ZNF827: variants seen among roughly 807,000 people sequenced by gnomAD.
The protein encoded by ZNF827 is zinc finger protein 827.
A neutral mutation model predicts 102.4 loss-of-function variants in ZNF827; 13 were observed. The ratio of observed to expected loss-of-function variants is 0.13; its 90% CI spans 0.08 to 0.20. ZNF827 has a LOEUF of 0.20. Among genes scored for constraint, ZNF827 ranks in the 10% least tolerant of loss-of-function variants. The pLI is 1.00. For synonymous variants in ZNF827, 523 were observed against 536.2 expected (o/e 0.98, Z 0.34); for missense variants, 1,103 against 1,344.4 (o/e 0.82, Z 2.81).
chr4:145,829,012 G>C lies in ZNF827; in HGVS notation c.2280-5487C>G, dbSNP rs187936966. ...CCAAGTGCCACCACTGAAACCAAAC[G>C]TTACAGGGATTCTCATTTTGACAGC... On this transcript the variant is annotated intron_variant, in intron 7 of 14. Transcript: ENST00000508784. Among the ~76,000 whole-genome samples the C allele has an allele frequency of 3.9e-5, 6 of 152,196 alleles. No homozygotes were observed. In the East Asian group the frequency reaches 1.2e-3, roughly 29 times the overall value.
At chr4:145,817,438 G>A (rs999847251) in intron 8 of ZNF827, among the ~76,000 whole-genome samples, 4 of 152,198 alleles carry the variant, frequency 2.6e-5, no homozygotes, top group Non-Finnish European at 5.9e-5. Flanking sequence ...GAAGAAAAGA[G>A]GTTAGTTGAC....
intron 6 of ZNF827, among the ~76,000 whole-genome samples, chr4:145,848,902 A>G (rs1746244259): frequency 6.6e-6 from 1 of 152,212 alleles, no homozygotes; most frequent in Non-Finnish European, 1.5e-5. Flanking sequence ...AAGATACAAT[A>G]AAACCTCATT....
chr4:145,878,398 A>T (rs1420640620), intron 4 of ZNF827, among the ~76,000 whole-genome samples: 3 of 152,038 alleles, frequency 2.0e-5, no homozygotes, highest in Non-Finnish European at 2.9e-5. Flanking sequence ...AGAAGTGGAG[A>T]GATAGTTACT....
At chr4:145,852,124 AAAG>A (rs780026526) in intron 5 of ZNF827, among the ~76,000 whole-genome samples, 1 of 152,208 alleles carries the variant, frequency 6.6e-6, no homozygotes, top group Non-Finnish European at 1.5e-5. Flanking sequence ...GACAAACACA[AAAG>A]AATACTAGGA....
intron 7 of ZNF827, among the ~76,000 whole-genome samples, chr4:145,835,535 C>T (rs1433387890): frequency 1.3e-5 from 2 of 149,888 alleles, no homozygotes; most frequent in African/African-American, 5.0e-5. Flanking sequence ...AAATTATCTG[C>T]TTCCCTGACT....
chr4:145,822,386 T>C (rs1743224616), intron 8 of ZNF827, among the ~76,000 whole-genome samples: 1 of 151,126 alleles, frequency 6.6e-6, no homozygotes, highest in Non-Finnish European at 1.5e-5. Context: ...TGACCTGTGA[T>C]ACCCGAGGCC....
At position 145,758,835 on chromosome 4, in the gene ZNF827, C is replaced by G. The variant is rs1279953245; in HGVS notation, c.*2781G>C. The G allele has an allele frequency of 1.3e-5, 2 of 152,142 alleles. No homozygotes were observed. The highest frequency in any genetic ancestry group is 4.8e-5 in the African/African-American group (2 of 41,398). The allele number at this position is 152,142 out of a possible 1,614,324, so 9.4% of individuals were successfully genotyped here. Reference sequence around the variant, plus strand: ...CACCAAGTAGGCTCCCCATCCATGGCGGGATGACTGGCAAAGGGAGGTGTA... The same window carrying G: ...CACCAAGTAGGCTCCCCATCCATGGGGGGATGACTGGCAAAGGGAGGTGTA... On this transcript the variant is annotated 3_prime_UTR_variant, in exon 15 of 15. Transcript: ENST00000508784.
At position 145,902,321 on chromosome 4, in the gene ZNF827, T is replaced by C; in HGVS notation, c.938A>G (p.Asp313Gly). 1.2e-6 allele frequency: 2 copies of C among 1,600,752 alleles called. No homozygotes were observed. The highest frequency in any genetic ancestry group is 1.7e-6 in the Non-Finnish European group (2 of 1,173,418). ...LAEKSSLLPEDPLPPPPSEKK... is the reference protein window; with the variant it reads ...LAEKSSLLPEGPLPPPPSEKK... Reference sequence around the variant, plus strand: ...CTCTGAAGGCGGGGGCGGTAGAGGGTCCTCAGGCAGCAGCGATGATTTCTC... The same window carrying C: ...CTCTGAAGGCGGGGGCGGTAGAGGGCCCTCAGGCAGCAGCGATGATTTCTC... Residue 313 changes from aspartate (D) to glycine (G), a missense_variant, in exon 2 of 15, where the codon GAC (aspartate) becomes GGC (glycine). Physicochemically the swap from Asp to Gly is moderately conservative, Grantham distance 94. Transcript: ENST00000508784. The surrounding 1 kb of genome is among the most constrained non-coding windows in gnomAD (Gnocchi z 4.3).
intron 8 of ZNF827, among the ~76,000 whole-genome samples, chr4:145,782,474 C>A (rs1381340433): frequency 1.3e-5 from 2 of 152,158 alleles, no homozygotes; most frequent in African/African-American, 4.8e-5. Flanking sequence ...GATTCCTCCC[C>A]CGACTCTCTT....
chr4:145,936,047 C>T (rs1420332386), intron 1 of ZNF827, among the ~76,000 whole-genome samples: 1 of 152,046 alleles, frequency 6.6e-6, no homozygotes, highest in Non-Finnish European at 1.5e-5. Flanking sequence ...GCCCTGTTTT[C>T]GCACACAAGC....
intron 11 of ZNF827, among the ~76,000 whole-genome samples, chr4:145,770,486 T>C (rs951485526): frequency 2.0e-5 from 3 of 151,764 alleles, no homozygotes; most frequent in Non-Finnish European, 2.9e-5. Context: ...CCTCATATGG[T>C]GGTTGTGATA....
intron 8 of ZNF827, among the ~76,000 whole-genome samples, chr4:145,806,529 T>C (rs1024470509): frequency 6.6e-6 from 1 of 152,138 alleles, no homozygotes; most frequent in African/African-American, 2.4e-5. Context: ...TCATCAAATA[T>C]TTAATGATAC....
intron 2 of ZNF827, among the ~76,000 whole-genome samples, chr4:145,901,932 A>C (rs1751445485): frequency 6.6e-6 from 1 of 152,212 alleles, no homozygotes; most frequent in African/African-American, 2.4e-5. Context: ...GGAATGCTGT[A>C]TGTCTCTAAG....
chr4:145,781,747 T>G (rs1291884281), intron 8 of ZNF827, among the ~76,000 whole-genome samples: 1 of 152,180 alleles, frequency 6.6e-6, no homozygotes, highest in Non-Finnish European at 1.5e-5. Flanking sequence ...TTTCAGTATA[T>G]CAGTAGCTCC....
At chr4:145,834,127 A>C (rs1456533694) in intron 7 of ZNF827, among the ~76,000 whole-genome samples, 3 of 152,164 alleles carry the variant, frequency 2.0e-5, no homozygotes, top group African/African-American at 7.2e-5. Flanking sequence ...GCTTGACCCC[A>C]ATACAAACTC....
intron 6 of ZNF827, among the ~76,000 whole-genome samples, chr4:145,848,869 CTTTGTTTTGTT>C (rs1259566943): frequency 6.6e-6 from 1 of 152,120 alleles, no homozygotes; most frequent in African/African-American, 2.4e-5. Flanking sequence ...CTTTTCCCTT[CTTTGTTTTGTT>C]TTTGTTTTGG....
At chr4:145,847,820 AT>A (rs1746134223) in intron 6 of ZNF827, among the ~76,000 whole-genome samples, 1 of 152,212 alleles carries the variant, frequency 6.6e-6, no homozygotes, top group Admixed American at 6.5e-5. Context: ...TTAAACAAAG[AT>A]TTGCAACACC....
At chr4:145,935,393 A>G (rs1240203878) in intron 1 of ZNF827, among the ~76,000 whole-genome samples, 1 of 152,250 alleles carries the variant, frequency 6.6e-6, no homozygotes, top group Non-Finnish European at 1.5e-5. Context: ...GCAGTTAGCA[A>G]GCCTTGGGTG....
chr4:145,915,769 G>A (rs1752624836), intron 1 of ZNF827, among the ~76,000 whole-genome samples: 1 of 152,134 alleles, frequency 6.6e-6, no homozygotes, highest in African/African-American at 2.4e-5. Flanking sequence ...TTAGATATGG[G>A]TGAGACTCAA....
Sources: allele counts gnomAD v4.1 joint callset (sites outside exome capture counted in the v4.1 genomes callset), GRCh38; gene constraint gnomAD v4.1.1; non-coding constraint Gnocchi (gnomAD v3.1); transcripts MANE v1.5; gene names NCBI Gene and HGNC (gene_info 2026-07-23, HGNC 2026-07-21).